ZNF407: variants seen among roughly 807,000 people sequenced by gnomAD.
The protein encoded by ZNF407 is zinc finger protein 407.
Under a neutral mutation model 131.2 loss-of-function variants are expected in ZNF407, and 17 were observed. That is an observed-to-expected ratio of 0.13 (90% CI 0.09 to 0.19). ZNF407 has a LOEUF of 0.19. ZNF407 is among the 10% of genes least tolerant of loss of function. The pLI is 1.00. For synonymous variants in ZNF407, 1,156 were observed against 1,062.0 expected (o/e 1.09, Z -1.72); for missense variants, 2,681 against 2,830.6 (o/e 0.95, Z 1.20).
chr18:74,799,884 C>T (rs1180949596), intron 4 of ZNF407, among the ~76,000 whole-genome samples: 2 of 145,824 alleles, frequency 1.4e-5, no homozygotes, highest in South Asian at 2.2e-4. Flanking sequence ...GCAGTATTGC[C>T]GTTGTTGAAA....
At chr18:74,794,571 T>C (rs756568676) in intron 4 of ZNF407, among the ~76,000 whole-genome samples, 15 of 152,210 alleles carry the variant, frequency 9.9e-5, no homozygotes, top group African/African-American at 3.4e-4. Context: ...CAGAATAATA[T>C]AGAATCATGC....
Position 74,632,056 on chromosome 18 carries a change from T to C in ZNF407, c.1037T>C (p.Val346Ala), listed in dbSNP as rs773888680. The C allele has an allele frequency of 6.2e-7, 1 of 1,613,756 alleles. No homozygotes were observed. The highest frequency in any genetic ancestry group is 1.1e-5 in the South Asian group (1 of 91,024). ...AGTGGTAGTAGCAGTGAGCTTCTTGTTGAAATGATGCCTTCCAGAAATACT... is the reference window on the plus strand; with the variant it reads ...AGTGGTAGTAGCAGTGAGCTTCTTGCTGAAATGATGCCTTCCAGAAATACT... ...KQSGSSSELL[V>A]EMMPSRNTLS... Residue 346 changes from valine (V) to alanine (A), a missense_variant, in exon 2 of 9, where the codon GTT becomes GCT. By Grantham distance (64) the Val-to-Ala change is moderately conservative. Coordinates refer to ENST00000299687, the MANE Select transcript of ZNF407 (RefSeq NM_017757.3).
At chr18:74,617,185 C>CACACACATCCAT (rs1983351672) in intron 1 of ZNF407, among the ~76,000 whole-genome samples, 1 of 149,542 alleles carries the variant, frequency 6.7e-6, no homozygotes, top group Non-Finnish European at 1.5e-5. Flanking sequence ...TATCCACACA[C>CACACACATCCAT]ATCGACACAC....
In ZNF407 at chr18:75,064,518, T is replaced by G. The variant is rs1354217375; in HGVS notation, c.*50T>G. 2.1e-6 allele frequency: 3 copies of G among 1,398,272 alleles called. No homozygotes were observed. The highest frequency in any genetic ancestry group is 3.1e-5 in the South Asian group (2 of 65,240). 86.6% of individuals were successfully genotyped at this position (1,398,272 alleles called of 1,614,324 possible). On this transcript the variant is annotated 3_prime_UTR_variant, in exon 9 of 9. Coordinates refer to ENST00000299687, the MANE Select transcript of ZNF407 (RefSeq NM_017757.3). ...CAGGGCAGGTGTGGGAAGGTCCAGC[T>G]TCGGTGGGGGACCGTGTTCCCTGAG...
chr18:74,616,999 G>GCATCCATATCCACACACCACACA (rs1983329779), intron 1 of ZNF407, among the ~76,000 whole-genome samples: 4 of 4,426 alleles, frequency 9.0e-4, no homozygotes, highest in Admixed American at 2.3e-3. Flanking sequence ...CGCACCACAC[G>GCATCCATATCCACACACCACACA]CATCCATATC....
chr18:74,850,391 G>A (rs530202280), intron 4 of ZNF407, among the ~76,000 whole-genome samples: 34 of 152,108 alleles, frequency 2.2e-4, no homozygotes, highest in Admixed American at 4.6e-4. Flanking sequence ...GCTCTTAATT[G>A]ATGTCCAGGG....
At chr18:74,889,606 G>C (rs887016583) in intron 6 of ZNF407, among the ~76,000 whole-genome samples, 1 of 151,924 alleles carries the variant, frequency 6.6e-6, no homozygotes, top group Non-Finnish European at 1.5e-5. Flanking sequence ...GATGTAACAT[G>C]GTTTATTAAA....
At chr18:74,807,471 A>G (rs1490905088) in intron 4 of ZNF407, among the ~76,000 whole-genome samples, 2 of 152,184 alleles carry the variant, frequency 1.3e-5, no homozygotes, top group African/African-American at 2.4e-5. Flanking sequence ...TAGTTATGCT[A>G]TAGTATGGTG....
chr18:74,844,005 A>G (rs529151220), intron 4 of ZNF407, among the ~76,000 whole-genome samples: 1 of 152,182 alleles, frequency 6.6e-6, no homozygotes, highest in Admixed American at 6.5e-5. Flanking sequence ...AATATAGATG[A>G]AAGTGTTGAA....
chr18:74,798,048 A>T (rs578112507), intron 4 of ZNF407, among the ~76,000 whole-genome samples: 58 of 152,178 alleles, frequency 3.8e-4, no homozygotes, highest in Admixed American at 1.0e-3. Flanking sequence ...ACGCATTTAA[A>T]TTTTTTTAAC....
chr18:75,053,704 T>A (rs1224640047), intron 8 of ZNF407, among the ~76,000 whole-genome samples: 1 of 152,234 alleles, frequency 6.6e-6, no homozygotes, highest in Admixed American at 6.5e-5. Flanking sequence ...AAATGCGTTA[T>A]CGTTTTCTAC....
chr18:74,960,667 G>A (rs1253606232), intron 8 of ZNF407, among the ~76,000 whole-genome samples: 1 of 146,904 alleles, frequency 6.8e-6, no homozygotes, highest in Non-Finnish European at 1.5e-5. Context: ...GCTGGGTGGA[G>A]GGATAGGAGA....
intron 3 of ZNF407, among the ~76,000 whole-genome samples, chr18:74,722,409 C>T (rs1172668315): frequency 1.3e-5 from 2 of 152,162 alleles, no homozygotes; most frequent in Non-Finnish European, 2.9e-5. Flanking sequence ...TGCCACATTT[C>T]TTGCTAGCCT....
At chr18:74,987,327 A>G (rs1215324270) in intron 8 of ZNF407, among the ~76,000 whole-genome samples, 1 of 152,178 alleles carries the variant, frequency 6.6e-6, no homozygotes, top group Admixed American at 6.5e-5. Flanking sequence ...TGTCTGTGAA[A>G]TTTATTACAG....
chr18:74,685,981 C>G (rs554459121), intron 3 of ZNF407, among the ~76,000 whole-genome samples: 7 of 152,326 alleles, frequency 4.6e-5, no homozygotes, highest in African/African-American at 1.7e-4. Context: ...TTTCCCAAGG[C>G]ACCTTGAAAA....
At chr18:74,887,552 ATTATT>A (rs1244383047) in intron 6 of ZNF407, among the ~76,000 whole-genome samples, 11 of 152,102 alleles carry the variant, frequency 7.2e-5, no homozygotes, top group African/African-American at 2.7e-4. Flanking sequence ...AAAACCATGA[ATTATT>A]TTATGTTTGC....
chr18:74,803,508 G>T (rs990783536), intron 4 of ZNF407, among the ~76,000 whole-genome samples: 3 of 152,186 alleles, frequency 2.0e-5, no homozygotes, highest in African/African-American at 7.2e-5. Context: ...ATTTTGCATT[G>T]TTGAGAATGC....
intron 1 of ZNF407, among the ~76,000 whole-genome samples, chr18:74,621,052 A>G (rs989570014): frequency 4.1e-5 from 6 of 145,178 alleles, no homozygotes; most frequent in African/African-American, 1.5e-4. Flanking sequence ...ACGTTAAGAT[A>G]TTTCTCCATT....
chr18:74,897,071 A>G (rs112229808), intron 7 of ZNF407, among the ~76,000 whole-genome samples: 3,912 of 152,254 alleles, frequency 0.026, 161 homozygotes, highest in African/African-American at 0.088. Flanking sequence ...CCTCTAACAC[A>G]CAAGTACATA....
Sources: allele counts gnomAD v4.1 joint callset (sites outside exome capture counted in the v4.1 genomes callset), GRCh38; gene constraint gnomAD v4.1.1; transcripts MANE v1.5; gene names NCBI Gene and HGNC (gene_info 2026-07-23, HGNC 2026-07-21).